Variants in CHKA observed in about 807,000 individuals in gnomAD.
The protein encoded by CHKA is CHETK-alpha.
Under a neutral mutation model 60.1 loss-of-function variants are expected in CHKA, and 34 were observed. The observed-to-expected ratio is 0.57, with a 90% CI of 0.43 to 0.75. CHKA has a LOEUF of 0.75. Ranked by LOEUF, CHKA falls within the 30% of genes least tolerant of loss-of-function variation. The pLI is 0.00. For synonymous variants in CHKA, 217 were observed against 223.1 expected (o/e 0.97, Z 0.24); for missense variants, 563 against 561.3 (o/e 1.00, Z -0.03).
chr11:68,063,619 G>T (rs1193292815), intron 10 of CHKA, among the ~76,000 whole-genome samples: 2 of 152,108 alleles, frequency 1.3e-5, no homozygotes, highest in African/African-American at 4.8e-5. Flanking sequence ...AACTCTTCTT[G>T]TGATATGGTT....
chr11:68,061,931 C>T (rs368441898), intron 11 of CHKA, 22 bp downstream of exon 11: 1 of 1,487,720 alleles, frequency 6.7e-7, no homozygotes, highest in African/African-American at 1.4e-5. Context: ...AAAAAAAAAA[C>T]AAAAACGCTG....
chr11:68,080,266 A>G (rs946468484), intron 3 of CHKA, among the ~76,000 whole-genome samples: 1 of 152,196 alleles, frequency 6.6e-6, no homozygotes, highest in African/African-American at 2.4e-5. Flanking sequence ...ATGTAAAACA[A>G]GCCGCTGAAA....
In CHKA at chr11:68,097,785, C is replaced by T. The variant is rs1380932144; in HGVS notation, c.351-655G>A. 3.3e-5 allele frequency among the ~76,000 whole-genome samples: 5 copies of T among 152,242 alleles called. No homozygotes were observed. The East Asian group carries it at 9.6e-4, about 29-fold the overall frequency. On this transcript the variant is annotated intron_variant, in intron 1 of 11. Coordinates refer to ENST00000265689, the MANE Select transcript of CHKA (RefSeq NM_001277.3). ...TTTGACTAGGAGCTTGTTCAAAAAA[C>T]TCCCAACATTAACTGGTTACCACGG...
At chr11:68,103,171 A>G (rs1565191675) in intron 1 of CHKA, among the ~76,000 whole-genome samples, 2 of 152,096 alleles carry the variant, frequency 1.3e-5, no homozygotes, top group Admixed American at 6.6e-5. Context: ...CCCAACAGAC[A>G]TTTATCAAAA....
intron 10 of CHKA, among the ~76,000 whole-genome samples, chr11:68,062,668 T>C (rs1856291843): frequency 6.6e-6 from 1 of 152,124 alleles, no homozygotes; most frequent in Non-Finnish European, 1.5e-5. Context: ...AATTTAGGAG[T>C]GCCTGCTCTA....
At chr11:68,071,853 C>T (rs1856629619) in intron 4 of CHKA, among the ~76,000 whole-genome samples, 1 of 152,186 alleles carries the variant, frequency 6.6e-6, no homozygotes, top group South Asian at 2.1e-4. Flanking sequence ...GGGTGCAGCT[C>T]AGCAAGTGGC....
rs1010642913 is a variant in CHKA at position 68,116,965 on chromosome 11, A to C, written c.350+3863T>G. The stretch of plus-strand genomic sequence containing the variant: ...AGGCCAACTTAAGCTAAAAATGACA[A>C]TTTCTACACTTATCCAGTTCCGGTG... On this transcript the variant is annotated intron_variant, in intron 1 of 11. Coordinates refer to ENST00000265689, the MANE Select transcript of CHKA (RefSeq NM_001277.3). 2.0e-5 allele frequency among the ~76,000 whole-genome samples: 3 copies of C among 152,144 alleles called. No homozygotes were observed. In the East Asian group the frequency reaches 5.8e-4, roughly 29 times the overall value.
At chr11:68,065,949 C>CT in intron 8 of CHKA, 55 bp from the exon 9 acceptor site, 1 of 1,251,682 alleles carries the variant, frequency 8.0e-7, no homozygotes, top group East Asian at 2.4e-5. Flanking sequence ...TGCCTGGAGG[C>CT]TCCCTGACTG....
chr11:68,067,888 T>G (rs1174937080), intron 7 of CHKA, among the ~76,000 whole-genome samples: 1 of 152,224 alleles, frequency 6.6e-6, no homozygotes, highest in Non-Finnish European at 1.5e-5. Context: ...CGAGTCTTCA[T>G]GAGAAACTGT....
intron 3 of CHKA, among the ~76,000 whole-genome samples, chr11:68,077,759 A>G (rs2134574412): frequency 6.6e-6 from 1 of 152,240 alleles, no homozygotes; most frequent in East Asian, 1.9e-4. Flanking sequence ...GCCATGAGGG[A>G]AACAAGGGTG....
At chr11:68,063,041 A>G (rs1212369872) in intron 10 of CHKA, among the ~76,000 whole-genome samples, 1 of 152,210 alleles carries the variant, frequency 6.6e-6, no homozygotes, top group East Asian at 1.9e-4. Context: ...AGTGGTCTAG[A>G]CCTTTGCACA....
At chr11:68,106,916 A>G (rs111526916) in intron 1 of CHKA, among the ~76,000 whole-genome samples, 5 of 152,222 alleles carry the variant, frequency 3.3e-5, no homozygotes, top group African/African-American at 1.2e-4. Flanking sequence ...ACTGCCCTCT[A>G]TTCACTAGAT....
At position 68,062,029 on chromosome 11, in the gene CHKA, G is replaced by GT; in HGVS notation, c.1237_1238insA (p.Ala413AspfsTer22). On this transcript the variant is annotated frameshift_variant, in exon 11 of 12. Coordinates refer to ENST00000265689, the MANE Select transcript of CHKA (RefSeq NM_001277.3). LOFTEE classifies it high-confidence loss of function. Reference sequence around the variant, plus strand: ...TCCCCAGAGGAAATGAGATGCAAGGGCAAACCTGGAATGATAAAAGCAAGA... The same window carrying GT: ...TCCCCAGAGGAAATGAGATGCAAGGGTCAAACCTGGAATGATAAAAGCAAGA... 6.3e-6 allele frequency: 10 copies of GT among 1,587,240 alleles called. No homozygotes were observed. Among genetic ancestry groups the GT allele is most frequent in the African/African-American group, 1.3e-5 (1 of 74,686 alleles).
chr11:68,085,360 C>A (rs1326784185), intron 2 of CHKA, among the ~76,000 whole-genome samples: 1 of 151,924 alleles, frequency 6.6e-6, no homozygotes, highest in African/African-American at 2.4e-5. Context: ...AGTAGCAGGA[C>A]CACAGGCATG....
At chr11:68,070,524 A>C (rs1856581827) in intron 5 of CHKA, among the ~76,000 whole-genome samples, 200 bp downstream of exon 5, 1 of 152,168 alleles carries the variant, frequency 6.6e-6, no homozygotes, top group African/African-American at 2.4e-5. Flanking sequence ...ATTTTTGCAT[A>C]AGCCTTCTTT....
chr11:68,107,996 G>A (rs1054668166), intron 1 of CHKA, among the ~76,000 whole-genome samples: 1 of 152,162 alleles, frequency 6.6e-6, no homozygotes, highest in Non-Finnish European at 1.5e-5. Flanking sequence ...AGCAGAACGA[G>A]GAGATTCCCT....
At chr11:68,101,567 G>A (rs1034219853) in intron 1 of CHKA, among the ~76,000 whole-genome samples, 3 of 151,708 alleles carry the variant, frequency 2.0e-5, no homozygotes, top group Non-Finnish European at 4.4e-5. Flanking sequence ...AGGCTGGAGT[G>A]AGCTGTGATC....
At chr11:68,111,532 T>C (rs1858140878) in intron 1 of CHKA, among the ~76,000 whole-genome samples, 1 of 151,388 alleles carries the variant, frequency 6.6e-6, no homozygotes, top group Non-Finnish European at 1.5e-5. Flanking sequence ...TGAGCCAAGA[T>C]CATGCCATTG....
chr11:68,083,400 T>C (rs1282225180), intron 2 of CHKA, among the ~76,000 whole-genome samples: 5 of 152,178 alleles, frequency 3.3e-5, no homozygotes, highest in Admixed American at 6.5e-5. Flanking sequence ...ATATTACATA[T>C]TAATACTTTG....
Sources: allele counts gnomAD v4.1 joint callset (sites outside exome capture counted in the v4.1 genomes callset), GRCh38; gene constraint gnomAD v4.1.1; transcripts MANE v1.5; gene names NCBI Gene and HGNC (gene_info 2026-07-23, HGNC 2026-07-21).